PHF21B: variants seen among roughly 807,000 people sequenced by gnomAD.
The protein encoded by PHF21B is PHD finger protein 21B, also known as PHD finger protein 4.
PHF21B carries 22 observed loss-of-function variants against 62.2 expected under a neutral mutation model. The ratio of observed to expected loss-of-function variants is 0.35; its 90% CI spans 0.25 to 0.51. PHF21B has a LOEUF of 0.51. PHF21B is among the 20% of genes least tolerant of loss of function. The pLI is 0.97. For synonymous variants in PHF21B, 341 were observed against 314.7 expected (o/e 1.08, Z -0.88); for missense variants, 701 against 707.9 (o/e 0.99, Z 0.11).
chr22:44,922,556 T>A (rs1291029985), intron 2 of PHF21B, among the ~76,000 whole-genome samples: 2 of 151,770 alleles, frequency 1.3e-5, no homozygotes, highest in Non-Finnish European at 2.9e-5. Context: ...CGCTTGAACC[T>A]GGGAGGTGGA....
At chr22:44,948,335 T>G (rs190320217) in intron 2 of PHF21B, among the ~76,000 whole-genome samples, 88 of 152,270 alleles carry the variant, frequency 5.8e-4, no homozygotes, top group Non-Finnish European at 1.1e-3. Flanking sequence ...CTAAATGTGT[T>G]GCTTATGTCC....
chr22:45,001,884 T>TC (rs1393503680), intron 2 of PHF21B: 1 of 152,194 alleles, frequency 6.6e-6, no homozygotes, highest in African/African-American at 2.4e-5. Context: ...CCACCGCCGC[T>TC]CTCGCCCAAG....
chr22:44,916,411 T>C lies in PHF21B; in HGVS notation c.433A>G (p.Ser145Gly), dbSNP rs1178934590. The change falls in exon 4 of 13, where the codon AGT becomes GGT. Residue 145 changes from serine (S) to glycine (G), a missense_variant. Transcript: ENST00000313237. ...ATGATGGCGTAGGCCACCCCCGCACTGCTCAGCGGAGAGGCGAGGGCGGCG... is the reference window on the plus strand; with the variant it reads ...ATGATGGCGTAGGCCACCCCCGCACCGCTCAGCGGAGAGGCGAGGGCGGCG... ...EPAALASPLS[S>G]AGVAYAIIST... is the part of the protein sequence containing the mutation. 4 of 1,595,906 alleles carry C rather than the reference T, an allele frequency of 2.5e-6. No homozygotes were observed. Among genetic ancestry groups the C allele is most frequent in the Admixed American group, 1.7e-5 (1 of 57,262 alleles).
At position 44,913,890 on chromosome 22, in the gene PHF21B, G is replaced by T. The variant is rs1177915282; in HGVS notation, c.763C>A (p.Pro255Thr). ...TTGGTGGCCTGAGCTCCCTGAGATG[G>T]CTCCTCTGTGGGCGGCCGCGACTCT... The part of the protein sequence containing the change: ...TAESRPPTEE[P>T]SQGAQATKKK... Residue 255 changes from proline to threonine, a missense_variant, in exon 5 of 13, where the codon CCA becomes ACA. Coordinates refer to ENST00000313237, the MANE Select transcript of PHF21B (RefSeq NM_138415.5). 1.2e-6 allele frequency: 2 copies of T among 1,613,924 alleles called. No individual in the cohort carries two copies. Among genetic ancestry groups the T allele is most frequent in the Admixed American group, 1.7e-5 (1 of 59,992 alleles).
chr22:44,927,488 T>G (rs570245251), intron 2 of PHF21B, among the ~76,000 whole-genome samples: 1 of 152,078 alleles, frequency 6.6e-6, no homozygotes, highest in South Asian at 2.1e-4. Context: ...GTCCCCATTA[T>G]CTGGGGAAGA....
chr22:44,982,543 C>T (rs1176369700), intron 2 of PHF21B, among the ~76,000 whole-genome samples: 1 of 152,174 alleles, frequency 6.6e-6, no homozygotes, highest in Non-Finnish European at 1.5e-5. Flanking sequence ...CCCAAGTGCT[C>T]GGCGGGTCCT....
At position 45,009,028 on chromosome 22, in the gene PHF21B, A is replaced by ACG. The variant is rs2073378214; in HGVS notation, c.55-420_55-419dup. On this transcript the variant is annotated intron_variant, in intron 1 of 12. Coordinates refer to ENST00000313237, the MANE Select transcript of PHF21B (RefSeq NM_138415.5). The surrounding 1 kb of genome is among the most constrained non-coding windows in gnomAD (Gnocchi z 5.9). ...GCGTCCTAATCTCCCCAACACACAC[A>ACG]CGCGCACGCCGAGCCCCGCTCAGGC... The ACG allele has an allele frequency of 2.7e-6, 3 of 1,128,118 alleles. No homozygotes were observed. The highest frequency in any genetic ancestry group is 2.2e-6 in the Non-Finnish European group (2 of 921,774). The allele number at this position is 1,128,118 out of a possible 1,614,324, so 69.9% of individuals were successfully genotyped here.
In PHF21B at chr22:44,945,893, T is replaced by C. The variant is rs570882591; in HGVS notation, c.121-25403A>G. On this transcript the variant is annotated intron_variant, in intron 2 of 12. Coordinates refer to ENST00000313237, the MANE Select transcript of PHF21B (RefSeq NM_138415.5). ...CCAGGCAGTGAGATGGGGAAGATGC[T>C]ACCATCCCCTCCTGAGGATGACCTC... Among the ~76,000 whole-genome samples, 33 of 152,222 alleles carry C rather than the reference T, an allele frequency of 2.2e-4. 1 individual carries two copies. The highest frequency in any genetic ancestry group is 7.9e-4 in the African/African-American group (33 of 41,544).
Position 44,901,350 on chromosome 22 carries a change from TC to T in PHF21B, c.832-5268del, listed in dbSNP as rs1420631821. The stretch of plus-strand genomic sequence containing the variant: ...CTCACATCATCTTCTCCTCCCCGAG[TC>T]CCCTCCACTGACACTCATTTGAAGA... On this transcript the variant is annotated intron_variant, in intron 5 of 12. Coordinates refer to ENST00000313237, the MANE Select transcript of PHF21B (RefSeq NM_138415.5). 1.1e-4 allele frequency among the ~76,000 whole-genome samples: 17 copies of T among 152,054 alleles called. No homozygotes were observed. In the South Asian group the frequency reaches 3.3e-3, roughly 30 times the overall value.
intron 5 of PHF21B, among the ~76,000 whole-genome samples, chr22:44,904,469 T>C (rs1031623345): frequency 2.6e-5 from 4 of 152,230 alleles, no homozygotes; most frequent in African/African-American, 9.7e-5. Flanking sequence ...TAAAATGTCT[T>C]TCTTTTGCCC....
At chr22:44,889,913 C>T (rs959339522) in intron 8 of PHF21B, 131 bp from the exon 9 acceptor site, 8 of 942,090 alleles carry the variant, frequency 8.5e-6, no homozygotes, top group Non-Finnish European at 1.2e-5. Context: ...CATAAGGCCC[C>T]CATGATACCT....
chr22:44,896,364 C>G (rs9614971), intron 5 of PHF21B, among the ~76,000 whole-genome samples: 1 of 150,580 alleles, frequency 6.6e-6, no homozygotes, highest in African/African-American at 2.5e-5. Flanking sequence ...TGGGCTAATC[C>G]TTATGGGTGC....
intron 10 of PHF21B, among the ~76,000 whole-genome samples, chr22:44,887,481 T>C (rs979541368): frequency 2.0e-5 from 3 of 152,158 alleles, no homozygotes. Flanking sequence ...AGCTGGGCTA[T>C]TCCACTATCT....
In PHF21B at chr22:44,881,889, G is replaced by A. The variant is rs1057372643; in HGVS notation, c.*1197C>T. 8.0e-5 allele frequency: 5 copies of A among 62,154 alleles called. No individual in the cohort carries two copies. The highest frequency in any genetic ancestry group is 3.5e-4 in the African/African-American group (5 of 14,190). 3.9% of individuals were successfully genotyped at this position (62,154 alleles called of 1,614,324 possible). A position where few individuals can be genotyped will look rare whatever the true frequency, so the allele number is the denominator to read the frequency against. ...CTTGGCAGCAAGTCTGGTCCCCGAAGGCCGGAACCTCCCGAGCCACCGCCC... is the reference window on the plus strand; with the variant it reads ...CTTGGCAGCAAGTCTGGTCCCCGAAAGCCGGAACCTCCCGAGCCACCGCCC... On this transcript the variant is annotated 3_prime_UTR_variant, in exon 13 of 13. Coordinates refer to ENST00000313237, the MANE Select transcript of PHF21B (RefSeq NM_138415.5).
At chr22:44,986,499 G>A (rs2072951663) in intron 2 of PHF21B, among the ~76,000 whole-genome samples, 1 of 142,222 alleles carries the variant, frequency 7.0e-6, no homozygotes, top group African/African-American at 2.7e-5. Flanking sequence ...TTGGGTCTTG[G>A]TGGATGGGCT....
In PHF21B at chr22:44,955,904, G is replaced by A. The variant is rs561718696; in HGVS notation, c.121-35414C>T. 1.5e-3 allele frequency among the ~76,000 whole-genome samples: 226 copies of A among 152,318 alleles called. 2 individuals are homozygous for A. The highest frequency in any genetic ancestry group is 4.4e-3 in the African/African-American group (182 of 41,576). On this transcript the variant is annotated intron_variant, in intron 2 of 12. Coordinates refer to ENST00000313237, the MANE Select transcript of PHF21B (RefSeq NM_138415.5). The stretch of plus-strand genomic sequence containing the variant: ...CGGGCCATGGTCAGCACTCAAAGAC[G>A]CTTCCGTCATATTACAGATGAGGAG...
chr22:44,974,591 T>C lies in PHF21B; in HGVS notation c.120+33954A>G, dbSNP rs543172406. On this transcript the variant is annotated intron_variant, in intron 2 of 12. Transcript: ENST00000313237. ...GAGTTTTAACACTAGGCAAATCCACTGTGACCACAGCGGGTCACTTCCGGG... is the reference window on the plus strand; with the variant it reads ...GAGTTTTAACACTAGGCAAATCCACCGTGACCACAGCGGGTCACTTCCGGG... Among the ~76,000 whole-genome samples the C allele has an allele frequency of 4.4e-4, 67 of 152,274 alleles. 1 individual carries two copies. The highest frequency in any genetic ancestry group is 1.6e-3 in the African/African-American group (67 of 41,568).
chr22:44,971,541 C>G (rs1212728672), intron 2 of PHF21B: 1 of 152,572 alleles, frequency 6.6e-6, no homozygotes, highest in Non-Finnish European at 1.5e-5. Flanking sequence ...CTTTGCTCTC[C>G]CGGGTACCTG....
intron 2 of PHF21B, among the ~76,000 whole-genome samples, chr22:44,961,228 T>A (rs1170134037): frequency 6.6e-6 from 1 of 152,120 alleles, no homozygotes; most frequent in East Asian, 1.9e-4. Context: ...GTGCTGGGAT[T>A]ACAGGCATGA....
Sources: gnomAD v4.1 joint callset for allele counts (sites outside exome capture counted in the v4.1 genomes callset) on GRCh38, gnomAD v4.1.1 for gene constraint, Gnocchi (gnomAD v3.1) non-coding constraint, MANE v1.5 for transcripts, NCBI Gene and HGNC (gene_info 2026-07-23, HGNC 2026-07-21) for gene names.